PSMA8: variants seen among roughly 807,000 people sequenced by gnomAD.
PSMA8 encodes the protein proteasome 20S subunit alpha 8, also known as proteasome subunit alpha-type 8.
A neutral mutation model predicts 32.4 loss-of-function variants in PSMA8; 18 were observed. The ratio of observed to expected loss-of-function variants is 0.56; its 90% CI spans 0.38 to 0.82. PSMA8 has a LOEUF of 0.82. Ranked by LOEUF, PSMA8 falls within the 40% of genes least tolerant of loss-of-function variation. The pLI, the probability that PSMA8 is intolerant of heterozygous loss-of-function variation, is 0.00. For missense variants in PSMA8, 298 were observed against 300.7 expected (o/e 0.99, Z 0.07); for synonymous variants, 104 against 98.1 (o/e 1.06, Z -0.36).
chr18:26,164,554 A>G (rs2055162705), intron 4 of PSMA8, among the ~76,000 whole-genome samples: 1 of 152,226 alleles, frequency 6.6e-6, no homozygotes, highest in African/African-American at 2.4e-5. Flanking sequence ...GATTTAACCT[A>G]AATCTGATTG....
In PSMA8 at chr18:26,158,110, T is replaced by C; in HGVS notation, c.355-12T>C. On this transcript the variant is annotated splice_polypyrimidine_tract_variant and intron_variant, in intron 3 of 6. Transcript: ENST00000415576. ...AATAGTTTTATTCTAAAAATACGTT[T>C]TATTTTTCTAGAAATATACCCAAAG... 6.4e-7 allele frequency: 1 copy of C among 1,552,488 alleles called. No individual in the cohort carries two copies. The highest frequency in any genetic ancestry group is 1.4e-5 in the African/African-American group (1 of 72,798).
intron 4 of PSMA8, among the ~76,000 whole-genome samples, chr18:26,163,250 T>TAAA (rs1311436959): frequency 6.3e-5 from 6 of 94,544 alleles, no homozygotes; most frequent in African/African-American, 2.0e-4. Context: ...TATATATATA[T>TAAA]ATATATATAT....
chr18:26,187,341 T>C (rs931567654), intron 6 of PSMA8, among the ~76,000 whole-genome samples: 2 of 152,072 alleles, frequency 1.3e-5, no homozygotes, highest in East Asian at 3.9e-4. Flanking sequence ...AGCAAGAGTC[T>C]GCTTCAAAAA....
intron 6 of PSMA8, among the ~76,000 whole-genome samples, chr18:26,181,923 GA>G (rs1292805950): frequency 0.024 from 2,745 of 113,958 alleles, 36 homozygotes; most frequent in Middle Eastern, 0.048. Context: ...GACGCCATCT[GA>G]AAAAAAAAAA....
intron 1 of PSMA8, among the ~76,000 whole-genome samples, chr18:26,137,551 A>C (rs544786012): frequency 6.6e-6 from 1 of 152,362 alleles, no homozygotes; most frequent in African/African-American, 2.4e-5. Context: ...TAGTTCACAG[A>C]AAGTACTTAA....
At chr18:26,174,010 C>T (rs1478036505) in intron 4 of PSMA8, among the ~76,000 whole-genome samples, 3 of 151,742 alleles carry the variant, frequency 2.0e-5, no homozygotes, top group Admixed American at 1.3e-4. Context: ...TCCCTTTGAA[C>T]TTTTGAAGCA....
intron 6 of PSMA8, among the ~76,000 whole-genome samples, chr18:26,183,182 A>G (rs953257131): frequency 1.3e-5 from 2 of 150,108 alleles, no homozygotes; most frequent in Non-Finnish European, 3.0e-5. Flanking sequence ...GCTTGAGGTC[A>G]GGAGTTTAAG....
chr18:26,141,702 CTTTCTTT>C (rs1376044848), intron 1 of PSMA8, among the ~76,000 whole-genome samples: 4 of 127,798 alleles, frequency 3.1e-5, no homozygotes, highest in Non-Finnish European at 4.8e-5. Flanking sequence ...TTTTCTGTTT[CTTTCTTT>C]TTTCTTTTTT....
At chr18:26,163,213 G>GTGTATATATA (rs1420987062) in intron 4 of PSMA8, among the ~76,000 whole-genome samples, 18 of 80,880 alleles carry the variant, frequency 2.2e-4, no homozygotes, top group Admixed American at 4.3e-4. Flanking sequence ...ATGTGTGTGT[G>GTGTATATATA]TATATATATA....
At chr18:26,135,749 A>G (rs888744137) in intron 1 of PSMA8, among the ~76,000 whole-genome samples, 2 of 152,192 alleles carry the variant, frequency 1.3e-5, no homozygotes, top group African/African-American at 4.8e-5. Context: ...CTCATTTAAC[A>G]TGTTTTAAGA....
chr18:26,167,403 A>G (rs1330229472), intron 4 of PSMA8, among the ~76,000 whole-genome samples: 1 of 152,224 alleles, frequency 6.6e-6, no homozygotes, highest in Non-Finnish European at 1.5e-5. Context: ...CAGGAAGTAT[A>G]TTTGTACCAC....
intron 4 of PSMA8, among the ~76,000 whole-genome samples, chr18:26,174,164 C>T (rs1321759699): frequency 2.0e-5 from 3 of 152,194 alleles, no homozygotes; most frequent in East Asian, 3.8e-4. Flanking sequence ...ATATTTATAG[C>T]ATTCGGATCA....
chr18:26,166,791 A>G (rs1203487485), intron 4 of PSMA8, among the ~76,000 whole-genome samples: 1 of 152,200 alleles, frequency 6.6e-6, no homozygotes, highest in East Asian at 1.9e-4. Context: ...GAAACAACTG[A>G]CAGTTGTTTC....
At chr18:26,142,856 C>A (rs1357566660) in intron 1 of PSMA8, among the ~76,000 whole-genome samples, 3 of 152,244 alleles carry the variant, frequency 2.0e-5, no homozygotes, top group Non-Finnish European at 4.4e-5. Flanking sequence ...CTCTCAAAGG[C>A]CCTACCTCCT....
Position 26,192,465 on chromosome 18 carries a change from A to C in PSMA8, c.*54A>C. On this transcript the variant is annotated 3_prime_UTR_variant, in exon 7 of 7. Coordinates refer to ENST00000415576, the MANE Select transcript of PSMA8 (RefSeq NM_001025096.2). ...ATGTTTTGTTTTATTGTACTGCCTG[A>C]GGTTGTTTAGTGAAATTTTAGAGGA... The C allele has an allele frequency of 6.8e-7, 1 of 1,480,346 alleles. No individual in the cohort carries two copies. Among genetic ancestry groups the C allele is most frequent in the Non-Finnish European group, 8.9e-7 (1 of 1,123,564 alleles). The allele number at this position is 1,480,346 out of a possible 1,614,324, so 91.7% of individuals were successfully genotyped here.
intron 6 of PSMA8, among the ~76,000 whole-genome samples, chr18:26,190,200 G>A (rs1381111226): frequency 6.6e-6 from 1 of 152,152 alleles, no homozygotes; most frequent in Non-Finnish European, 1.5e-5. Context: ...CAAAAAAATA[G>A]AATTTATAAG....
intron 6 of PSMA8, 152 bp from the exon 7 acceptor site, chr18:26,192,167 C>G (rs186512592): frequency 4.6e-6 from 3 of 645,942 alleles, no homozygotes; most frequent in East Asian, 8.2e-5. Flanking sequence ...GCTCTTAGAC[C>G]TCTTGAAATG....
At chr18:26,174,665 G>GC (rs1285507247) in intron 4 of PSMA8, among the ~76,000 whole-genome samples, 4 of 152,112 alleles carry the variant, frequency 2.6e-5, no homozygotes, top group African/African-American at 7.2e-5. Context: ...TTGTCAGTAT[G>GC]GGCCATAATG....
chr18:26,144,267 G>A (rs370578246), intron 1 of PSMA8, among the ~76,000 whole-genome samples: 3 of 152,072 alleles, frequency 2.0e-5, no homozygotes, highest in Admixed American at 6.5e-5. Flanking sequence ...AGAACTTACC[G>A]TATTTAGATA....
Sources: gnomAD v4.1 joint callset for allele counts (sites outside exome capture counted in the v4.1 genomes callset) on GRCh38, gnomAD v4.1.1 for gene constraint, MANE v1.5 for transcripts, NCBI Gene and HGNC (gene_info 2026-07-23, HGNC 2026-07-21) for gene names.